The following CYFIP2 variants were observed in gnomAD, a reference collection of about 807,000 sequenced individuals.
CYFIP2 encodes the protein cytoplasmic FMR1-interacting protein 2.
A neutral mutation model predicts 158.7 loss-of-function variants in CYFIP2; 29 were observed. The observed-to-expected ratio is 0.18, with a 90% CI of 0.14 to 0.25. The LOEUF (loss-of-function observed/expected upper bound fraction) is 0.25, where lower values mean the gene tolerates loss of function less well. Ranked by LOEUF, CYFIP2 falls within the 10% of genes least tolerant of loss-of-function variation. The pLI, the probability that CYFIP2 is intolerant of heterozygous loss-of-function variation, is 1.00. For synonymous variants in CYFIP2, 585 were observed against 617.6 expected (o/e 0.95, Z 0.78); for missense variants, 852 against 1,639.5 (o/e 0.52, Z 8.29).
intron 25 of CYFIP2, 108 bp downstream of exon 25, chr5:157,360,480 A>G: frequency 1.2e-6 from 1 of 843,804 alleles, no homozygotes; most frequent in East Asian, 2.6e-5. Context: ...CTGGCAGAGT[A>G]CTGGCTATCC....
At position 157,332,474 on chromosome 5, in the gene CYFIP2, C is replaced by G. The variant is rs1761538345; in HGVS notation, c.2266-853C>G. 1.3e-5 allele frequency among the ~76,000 whole-genome samples: 2 copies of G among 152,180 alleles called. 1 individual carries two copies. Among genetic ancestry groups the G allele is most frequent in the Admixed American group, 1.3e-4 (2 of 15,278 alleles). ...CCCCTGAATGCTTCAGCCTATATCT[C>G]CTAAGAACAAGGACGTTGTCTTATA... On this transcript the variant is annotated intron_variant, in intron 20 of 30. Transcript: ENST00000620254.
chr5:157,338,755 C>G (rs1223578626), intron 21 of CYFIP2, among the ~76,000 whole-genome samples: 1 of 152,148 alleles, frequency 6.6e-6, no homozygotes, highest in Non-Finnish European at 1.5e-5. Context: ...TGTTCTCTAC[C>G]CAAAAGGGAT....
At chr5:157,380,216 G>A (rs931220536) in intron 26 of CYFIP2, 2 of 152,218 alleles carry the variant, frequency 1.3e-5, no homozygotes, top group Non-Finnish European at 2.9e-5. Flanking sequence ...GGCAATTGGG[G>A]AGGTTCAGAC....
intron 1 of CYFIP2, among the ~76,000 whole-genome samples, chr5:157,280,920 A>G (rs1047890053): frequency 1.3e-5 from 2 of 152,156 alleles, no homozygotes; most frequent in African/African-American, 4.8e-5. Flanking sequence ...CTAATTTTCT[A>G]ATTTTCTCAT....
chr5:157,271,743 C>G (rs533703075), intron 1 of CYFIP2, among the ~76,000 whole-genome samples: 1 of 152,316 alleles, frequency 6.6e-6, no homozygotes, highest in South Asian at 2.1e-4. Flanking sequence ...GGGCCTTTGT[C>G]TTCATACTGA....
intron 2 of CYFIP2, among the ~76,000 whole-genome samples, chr5:157,285,977 C>T (rs182799291): frequency 4.1e-4 from 63 of 152,190 alleles, no homozygotes; most frequent in Non-Finnish European, 7.9e-4. Context: ...CTATCAGGGC[C>T]GGGAGTCGGT....
At position 157,333,431 on chromosome 5, in the gene CYFIP2, C is replaced by G; in HGVS notation, c.2370C>G (p.Asp790Glu). Residue 790 changes from aspartate to glutamate, a missense_variant, in exon 21 of 31, where the codon GAC (aspartate) becomes GAG (glutamate). By Grantham distance (45) the Asp-to-Glu change is conservative. Transcript: ENST00000620254. ...CTATCAGCCGCTTTGAGAGTGAGGA[C>G]CTGACCTCCATTGTGGTAAGAGTCT... ...DQAISRFESE[D>E]LTSIVELEWL... The G allele has an allele frequency of 6.2e-7, 1 of 1,613,934 alleles. No homozygotes were observed.
intron 1 of CYFIP2, among the ~76,000 whole-genome samples, chr5:157,274,800 A>G (rs1038317296): frequency 3.0e-4 from 45 of 152,198 alleles, no homozygotes; most frequent in African/African-American, 1.1e-3. Context: ...CATTTCCCTA[A>G]TAACTAAGGT....
In CYFIP2 at chr5:157,360,315, C is replaced by G. The variant is rs1763720113; in HGVS notation, c.2851C>G (p.Leu951Val). The G allele has an allele frequency of 6.2e-7, 1 of 1,613,828 alleles. No homozygotes were observed. ...QGTILQYVKT[L>V]IEVMPKICRL... is the part of the protein sequence containing the mutation. Reference sequence around the variant, plus strand: ...AACCATTCTCCAGTATGTGAAAACACTGATAGAGGTGATGCCCAAGATATG... The same window carrying G: ...AACCATTCTCCAGTATGTGAAAACAGTGATAGAGGTGATGCCCAAGATATG... Residue 951 changes from leucine to valine, a missense_variant, in exon 25 of 31, where the codon CTG (leucine) becomes GTG (valine). By Grantham distance (32) the Leu-to-Val change is conservative. This residue lies in a region of CYFIP2 where 191 missense variants were observed against 311.2 expected (regional missense o/e 0.61). Coordinates refer to ENST00000620254, the MANE Select transcript of CYFIP2 (RefSeq NM_001037333.3).
chr5:157,344,265 T>C (rs1170759053), intron 23 of CYFIP2, among the ~76,000 whole-genome samples: 1 of 152,230 alleles, frequency 6.6e-6, no homozygotes, highest in Non-Finnish European at 1.5e-5. Flanking sequence ...ATCATGGTAA[T>C]AACCACTCAC....
chr5:157,358,118 G>A (rs969165413), intron 23 of CYFIP2, among the ~76,000 whole-genome samples: 8 of 152,310 alleles, frequency 5.3e-5, no homozygotes, highest in African/African-American at 1.7e-4. Flanking sequence ...TAGGTGCTCC[G>A]TAAGCGGCAG....
intron 27 of CYFIP2, 106 bp from the exon 28 acceptor site, chr5:157,383,159 C>A: frequency 1.1e-6 from 1 of 942,934 alleles, no homozygotes. Flanking sequence ...CACTCCATCC[C>A]ATTTTTGGAA....
intron 1 of CYFIP2, among the ~76,000 whole-genome samples, chr5:157,281,568 G>T (rs183771816): frequency 2.6e-5 from 4 of 152,118 alleles, no homozygotes; most frequent in Non-Finnish European, 5.9e-5. Context: ...GATCCATCAG[G>T]GCTCTTCCAG....
chr5:157,365,098 A>T (rs1474722699), intron 26 of CYFIP2: 1 of 152,220 alleles, frequency 6.6e-6, no homozygotes, highest in Non-Finnish European at 1.5e-5. Flanking sequence ...ACCAATATTT[A>T]ACAGACATTT....
At chr5:157,322,985 G>T (rs1452936034) in intron 15 of CYFIP2, 1 of 1,535,952 alleles carries the variant, frequency 6.5e-7, no homozygotes, top group Admixed American at 2.0e-5. Flanking sequence ...CCCACTGGTG[G>T]CACACAGGGC....
At chr5:157,302,670 C>T (rs1239786645) in intron 6 of CYFIP2, 124 bp from the exon 7 acceptor site, 2 of 684,916 alleles carry the variant, frequency 2.9e-6, no homozygotes, top group African/African-American at 1.8e-5. Flanking sequence ...CTGGGATATT[C>T]AGAGCTCATT....
intron 30 of CYFIP2, among the ~76,000 whole-genome samples, chr5:157,390,926 A>G (rs978504109): frequency 3.3e-5 from 5 of 152,194 alleles, no homozygotes; most frequent in Admixed American, 3.3e-4. Flanking sequence ...CCCTGTCCCA[A>G]TCAGACTCTG....
chr5:157,367,611 TTC>T (rs1157952775), intron 26 of CYFIP2, among the ~76,000 whole-genome samples: 2 of 152,190 alleles, frequency 1.3e-5, no homozygotes, highest in East Asian at 1.9e-4. Flanking sequence ...ACATCTGACC[TTC>T]TGTCTCCTAC....
In CYFIP2 at chr5:157,311,534, C is replaced by A; in HGVS notation, c.993-130C>A. On this transcript the variant is annotated intron_variant, in intron 10 of 30. Coordinates refer to ENST00000620254, the MANE Select transcript of CYFIP2 (RefSeq NM_001037333.3). The surrounding 1 kb of genome is among the most constrained non-coding windows in gnomAD (Gnocchi z 4.7). ...GACTTAGCAGGCTTTCTTGCTGAGG[C>A]GGCTGGGATACCATTTGGTGTCACC... is the stretch of plus-strand genomic sequence containing the variant. 1.4e-6 allele frequency: 1 copy of A among 710,208 alleles called. No individual in the cohort carries two copies. The highest frequency in any genetic ancestry group is 2.4e-6 in the Non-Finnish European group (1 of 417,466). 44.0% of individuals were successfully genotyped at this position (710,208 alleles called of 1,614,324 possible).
Sources: gnomAD v4.1 joint callset for allele counts (sites outside exome capture counted in the v4.1 genomes callset) on GRCh38, gnomAD v4.1.1 for gene constraint, gnomAD v4.1.1 regional missense constraint, Gnocchi (gnomAD v3.1) non-coding constraint, MANE v1.5 for transcripts, NCBI Gene and HGNC (gene_info 2026-07-23, HGNC 2026-07-21) for gene names.